The following PRIM2 variants were observed in gnomAD, a reference collection of about 807,000 sequenced individuals.
PRIM2 encodes the protein DNA primase large subunit.
In PRIM2, 39 loss-of-function variants were observed where a neutral mutation model predicts 67.3. That is an observed-to-expected ratio of 0.58 (90% CI 0.45 to 0.76). The LOEUF (loss-of-function observed/expected upper bound fraction) is 0.76, where lower values mean the gene tolerates loss of function less well. Ranked by LOEUF, PRIM2 falls within the 30% of genes least tolerant of loss-of-function variation. The pLI is 0.00. For synonymous variants in PRIM2, 143 were observed against 198.7 expected, an observed-to-expected ratio of 0.72 and a Z score of 2.36; for missense variants, 398 against 598.7, an observed-to-expected ratio of 0.66 and a Z score of 3.50.
rs370121855 is a variant in PRIM2, at chr6:57,339,799, AG to A, written c.459+13756del. On this transcript the variant is annotated intron_variant, in intron 5 of 13. Transcript: ENST00000615550. ...ACCACTCAGGACATAGGCATGGGCA[AG>A]GACTTTATGTCTAAAACACCAAAAG... is the stretch of plus-strand genomic sequence containing the variant. Among the ~76,000 whole-genome samples, 98 of 152,368 alleles carry A rather than the reference AG, an allele frequency of 6.4e-4. No individual in the cohort carries two copies. The East Asian group carries it at 0.018, about 28-fold the overall frequency.
chr6:57,553,625 C>G (rs1231740650), intron 10 of PRIM2, among the ~76,000 whole-genome samples: 2 of 151,564 alleles, frequency 1.3e-5, no homozygotes, highest in Admixed American at 6.6e-5. Context: ...CGTTGCCCTT[C>G]TTGTTTCCTG....
rs1205639031 is a variant in PRIM2, at chr6:57,620,213, C to T, written c.1231-11920C>T. On this transcript the variant is annotated intron_variant, in intron 12 of 13. Transcript: ENST00000615550. The stretch of plus-strand genomic sequence containing the variant: ...TCCATCTCAAAAAAAAGACAAAGAA[C>T]ACCCAAGAAATTCATTACAAAAAGA... Among the ~76,000 whole-genome samples, 99 of 152,166 alleles carry T rather than the reference C, an allele frequency of 6.5e-4. 1 individual carries two copies. Among genetic ancestry groups the T allele is most frequent in the African/African-American group, 2.3e-3 (97 of 41,524 alleles).
the PRIM2 span, among the ~76,000 whole-genome samples, chr6:57,276,388 C>CAAATA: frequency 2.0e-5 from 3 of 151,316 alleles, no homozygotes; most frequent in South Asian, 4.2e-4. Flanking sequence ...GAGACTGTCT[C>CAAATA]AAATAAAATA....
chr6:57,572,840 G>A (rs1323710543), intron 10 of PRIM2, among the ~76,000 whole-genome samples: 2 of 152,172 alleles, frequency 1.3e-5, no homozygotes, highest in African/African-American at 4.8e-5. Context: ...ACAAATTCTA[G>A]CCTTTTTACA....
chr6:57,488,983 G>A (rs2127408838), intron 7 of PRIM2, among the ~76,000 whole-genome samples: 1 of 152,314 alleles, frequency 6.6e-6, no homozygotes, highest in African/African-American at 2.4e-5. Flanking sequence ...GGGAAAGATA[G>A]TCCCTAAGAG....
the PRIM2 span, among the ~76,000 whole-genome samples, chr6:57,222,565 GACACCT>G: frequency 2.6e-5 from 4 of 152,188 alleles, no homozygotes; most frequent in Non-Finnish European, 4.4e-5. Flanking sequence ...CCCCGCTTCG[GACACCT>G]ACCTTATTTT....
At chr6:57,534,178 T>C (rs1340257493) in intron 9 of PRIM2, among the ~76,000 whole-genome samples, 1 of 152,194 alleles carries the variant, frequency 6.6e-6, no homozygotes, top group Non-Finnish European at 1.5e-5. Flanking sequence ...CCCGAGTTCA[T>C]ATATAGGTAT....
the PRIM2 span, among the ~76,000 whole-genome samples, chr6:57,299,679 A>G: frequency 2.0e-5 from 3 of 152,194 alleles, no homozygotes; most frequent in Non-Finnish European, 4.4e-5. Context: ...AAGTGAGGAG[A>G]TATAGGAGAC....
intron 7 of PRIM2, among the ~76,000 whole-genome samples, chr6:57,414,298 A>G (rs1347286233): frequency 6.6e-6 from 1 of 152,190 alleles, no homozygotes; most frequent in African/African-American, 2.4e-5. Flanking sequence ...TGAGAAACAT[A>G]GATCCATCTT....
chr6:57,352,318 G>A (rs1352513375), intron 5 of PRIM2, among the ~76,000 whole-genome samples: 1 of 152,114 alleles, frequency 6.6e-6, no homozygotes, highest in Non-Finnish European at 1.5e-5. Context: ...TCGGCTCACG[G>A]CATCCTCCGC....
chr6:57,289,901 C>G, the PRIM2 span, among the ~76,000 whole-genome samples: 1 of 152,076 alleles, frequency 6.6e-6, no homozygotes, highest in Non-Finnish European at 1.5e-5. Flanking sequence ...CATCAATTAA[C>G]GGGCAAAATA....
At chr6:57,437,617 A>G (rs1338348832) in intron 7 of PRIM2, among the ~76,000 whole-genome samples, 1 of 150,460 alleles carries the variant, frequency 6.6e-6, no homozygotes, top group South Asian at 2.1e-4. Flanking sequence ...TGATTGAGAG[A>G]TTATCTGTAC....
chr6:57,412,963 A>G (rs1210844617), intron 7 of PRIM2, among the ~76,000 whole-genome samples: 1 of 152,152 alleles, frequency 6.6e-6, no homozygotes, highest in Non-Finnish European at 1.5e-5. Flanking sequence ...CCTTTCTTCG[A>G]AATGTACTAA....
At chr6:57,337,889 A>G (rs1358446522) in intron 5 of PRIM2, among the ~76,000 whole-genome samples, 6 of 152,168 alleles carry the variant, frequency 3.9e-5, no homozygotes, top group Admixed American at 2.0e-4. Context: ...GAGACACAAA[A>G]ATCCCTTCAA....
chr6:57,458,854 G>T lies in PRIM2; in HGVS notation c.694-48533G>T, dbSNP rs1772903054. On this transcript the variant is annotated intron_variant, in intron 7 of 13. Coordinates refer to ENST00000615550, the MANE Select transcript of PRIM2 (RefSeq NM_000947.5). ...AAAAAAATTGTATGGGAGGAATTAT[G>T]TATTTGTAGTCTTAACCAGGTGACA... Among the ~76,000 whole-genome samples the T allele has an allele frequency of 1.3e-5, 2 of 152,202 alleles. 1 individual carries two copies. Among genetic ancestry groups the T allele is most frequent in the Non-Finnish European group, 2.9e-5 (2 of 68,050 alleles).
chr6:57,278,682 T>C, the PRIM2 span, among the ~76,000 whole-genome samples: 1 of 152,198 alleles, frequency 6.6e-6, no homozygotes, highest in South Asian at 2.1e-4. Context: ...TTCTTCTTCA[T>C]GTTTTCCAAG....
chr6:57,611,153 A>G lies in PRIM2; in HGVS notation c.1230+4696A>G, dbSNP rs1317634340. Among the ~76,000 whole-genome samples the G allele has an allele frequency of 2.0e-5, 3 of 152,356 alleles. No individual in the cohort carries two copies. In the East Asian group the frequency reaches 5.8e-4, roughly 29 times the overall value. ...ATACTAACTCAATATACAAAAATCAATTCTATTTCTATTTCTTACAGTGAA... is the reference window on the plus strand; with the variant it reads ...ATACTAACTCAATATACAAAAATCAGTTCTATTTCTATTTCTTACAGTGAA... On this transcript the variant is annotated intron_variant, in intron 12 of 13. Coordinates refer to ENST00000615550, the MANE Select transcript of PRIM2 (RefSeq NM_000947.5).
At chr6:57,539,432 A>G (rs1315389808) in intron 10 of PRIM2, among the ~76,000 whole-genome samples, 1 of 152,160 alleles carries the variant, frequency 6.6e-6, no homozygotes, top group Non-Finnish European at 1.5e-5. Context: ...AATTTGTTTA[A>G]TCATTCTCCT....
chr6:57,387,425 G>A (rs1770189604), intron 7 of PRIM2, among the ~76,000 whole-genome samples: 1 of 152,194 alleles, frequency 6.6e-6, no homozygotes, highest in Admixed American at 6.6e-5. Context: ...TGAGGAAAAT[G>A]CAGCACAGAG....
Sources: allele counts gnomAD v4.1 joint callset (sites outside exome capture counted in the v4.1 genomes callset), GRCh38; gene constraint gnomAD v4.1.1; transcripts MANE v1.5; gene names NCBI Gene and HGNC (gene_info 2026-07-23, HGNC 2026-07-21).